PACRG: variants seen among roughly 807,000 people sequenced by gnomAD.
The protein encoded by PACRG is parkin coregulated.
A neutral mutation model predicts 29.7 loss-of-function variants in PACRG; 29 were observed. That is an observed-to-expected ratio of 0.98 (90% CI 0.73 to 1.33). The LOEUF (loss-of-function observed/expected upper bound fraction) is 1.33. PACRG is among the 40% of genes most tolerant of loss of function. PACRG has a pLI of 0.00. For synonymous variants in PACRG, 116 were observed against 118.7 expected (o/e 0.98, Z 0.15); for missense variants, 279 against 316.2 (o/e 0.88, Z 0.89).
intron 2 of PACRG, among the ~76,000 whole-genome samples, chr6:162,885,008 T>C (rs367700432): frequency 7.6e-4 from 115 of 152,304 alleles, no homozygotes; most frequent in African/African-American, 2.5e-3. Flanking sequence ...AGCACCCTGC[T>C]TCACTTTAGA....
intron 4 of PACRG, among the ~76,000 whole-genome samples, chr6:163,224,228 G>A (rs1781695418): frequency 6.6e-6 from 1 of 151,664 alleles, no homozygotes; most frequent in Non-Finnish European, 1.5e-5. Flanking sequence ...AATTAGCCAG[G>A]CACAGTGACA....
chr6:162,949,229 G>A (rs1478634661), intron 2 of PACRG, among the ~76,000 whole-genome samples: 1 of 152,104 alleles, frequency 6.6e-6, no homozygotes, highest in African/African-American at 2.4e-5. Context: ...AGGTCATTAT[G>A]TTAAGTGAAA....
At chr6:163,277,106 C>T (rs1784055298) in intron 4 of PACRG, among the ~76,000 whole-genome samples, 1 of 151,780 alleles carries the variant, frequency 6.6e-6, no homozygotes, top group Non-Finnish European at 1.5e-5. Context: ...TAATGTTTTA[C>T]AATTTTTTTT....
At chr6:163,134,747 A>G (rs751004564) in intron 4 of PACRG, among the ~76,000 whole-genome samples, 1 of 152,194 alleles carries the variant, frequency 6.6e-6, no homozygotes, top group Non-Finnish European at 1.5e-5. Flanking sequence ...AACAACTACT[A>G]CTACTAATGG....
chr6:162,872,862 A>T (rs1792943915), intron 2 of PACRG, among the ~76,000 whole-genome samples: 1 of 152,146 alleles, frequency 6.6e-6, no homozygotes, highest in Non-Finnish European at 1.5e-5. Context: ...TCAGGGAATG[A>T]GCGCTCATAG....
chr6:163,062,091 CT>C, intron 2 of PACRG, 58 bp from the exon 3 acceptor site: 1 of 1,565,860 alleles, frequency 6.4e-7, no homozygotes, highest in South Asian at 1.2e-5. Flanking sequence ...CATAGCTTGT[CT>C]GCCGTGCTCT....
chr6:163,301,269 C>A (rs1315840851), intron 4 of PACRG, among the ~76,000 whole-genome samples: 1 of 152,340 alleles, frequency 6.6e-6, no homozygotes, highest in East Asian at 1.9e-4. Flanking sequence ...AACAGAGCTA[C>A]CATCCTTCAG....
chr6:163,006,335 C>T (rs563801271), intron 2 of PACRG, among the ~76,000 whole-genome samples: 1 of 149,910 alleles, frequency 6.7e-6, no homozygotes, highest in Non-Finnish European at 1.5e-5. Flanking sequence ...GTCTTATGAA[C>T]ACGAATATGT....
chr6:162,902,663 G>A (rs938560145), intron 2 of PACRG, among the ~76,000 whole-genome samples: 4 of 152,216 alleles, frequency 2.6e-5, no homozygotes, highest in Admixed American at 1.3e-4. Context: ...TTCAGAGTGC[G>A]GTTTTCAGGT....
In PACRG at chr6:163,055,581, G is replaced by T. The variant is rs190565851; in HGVS notation, c.292-6569G>T. 2.7e-4 allele frequency among the ~76,000 whole-genome samples: 41 copies of T among 152,284 alleles called. No homozygotes were observed. Among genetic ancestry groups the T allele is most frequent in the Non-Finnish European group, 1.5e-5 (1 of 68,014 alleles). On this transcript the variant is annotated intron_variant, in intron 2 of 4. Transcript: ENST00000366888. This position sits in a 1 kb window ranked among gnomAD's most constrained non-coding sequence, Gnocchi z 4.0. ...TGTAGGAAGTAGAACTGTATCTACTGTGTTAAAAAAGTTTGTGTCTCAAAA... is the reference window on the plus strand; with the variant it reads ...TGTAGGAAGTAGAACTGTATCTACTTTGTTAAAAAAGTTTGTGTCTCAAAA...
intron 2 of PACRG, among the ~76,000 whole-genome samples, chr6:163,013,115 A>G (rs1251138721): frequency 6.6e-6 from 1 of 151,934 alleles, no homozygotes; most frequent in Non-Finnish European, 1.5e-5. Flanking sequence ...TATTAATATT[A>G]TGTTTTCCTG....
chr6:162,880,625 T>A (rs1157355276), intron 2 of PACRG, among the ~76,000 whole-genome samples: 1 of 152,120 alleles, frequency 6.6e-6, no homozygotes, highest in Admixed American at 6.5e-5. Context: ...TATAGTAAGA[T>A]CAGCCATGAC....
At chr6:163,292,789 C>A (rs1784660807) in intron 4 of PACRG, among the ~76,000 whole-genome samples, 1 of 152,104 alleles carries the variant, frequency 6.6e-6, no homozygotes, top group Non-Finnish European at 1.5e-5. Context: ...TTTGGCTAAC[C>A]TTAATACTCT....
chr6:162,835,730 C>T (rs184072327), intron 2 of PACRG, among the ~76,000 whole-genome samples: 4 of 152,140 alleles, frequency 2.6e-5, no homozygotes, highest in African/African-American at 7.2e-5. Flanking sequence ...TAATTACCTG[C>T]CGTCATCTAT....
intron 1 of PACRG, among the ~76,000 whole-genome samples, chr6:162,750,316 C>A (rs1275685215): frequency 1.3e-5 from 2 of 152,150 alleles, no homozygotes; most frequent in African/African-American, 4.8e-5. Flanking sequence ...GCACATTAAA[C>A]TGGAATAATG....
chr6:162,835,177 G>A (rs976361029), intron 2 of PACRG, among the ~76,000 whole-genome samples: 2 of 151,970 alleles, frequency 1.3e-5, no homozygotes, highest in Non-Finnish European at 2.9e-5. Flanking sequence ...TGATGAATAT[G>A]CTTTAGAAAT....
chr6:162,928,907 T>G (rs960449631), intron 2 of PACRG, among the ~76,000 whole-genome samples: 3 of 152,062 alleles, frequency 2.0e-5, no homozygotes, highest in African/African-American at 7.2e-5. Context: ...CTTAACATAA[T>G]GACCATGAGT....
intron 4 of PACRG, among the ~76,000 whole-genome samples, chr6:163,239,377 T>C (rs73028008): frequency 0.27 from 40,446 of 152,026 alleles, 5,862 homozygotes; most frequent in Middle Eastern, 0.35. Flanking sequence ...ATTCTTAAGA[T>C]GCTTGCCTGG....
chr6:163,248,164 C>A (rs923588245), intron 4 of PACRG, among the ~76,000 whole-genome samples: 1 of 152,160 alleles, frequency 6.6e-6, no homozygotes, highest in African/African-American at 2.4e-5. Context: ...CAGTGCCAGG[C>A]GGAGAGGTTG....
Sources: allele counts gnomAD v4.1 joint callset (sites outside exome capture counted in the v4.1 genomes callset), GRCh38; gene constraint gnomAD v4.1.1; non-coding constraint Gnocchi (gnomAD v3.1); transcripts MANE v1.5; gene names NCBI Gene and HGNC (gene_info 2026-07-23, HGNC 2026-07-21).